The following FHIT variants were observed in gnomAD, a reference collection of about 807,000 sequenced individuals.
FHIT encodes the protein bis(5'-adenosyl)-triphosphatase.
Under a neutral mutation model 17.9 loss-of-function variants are expected in FHIT, and 19 were observed. The observed-to-expected ratio is 1.06, with a 90% CI of 0.74 to 1.56. The LOEUF is 1.56. FHIT is among the 40% of genes most tolerant of loss of function. FHIT has a pLI of 0.00. For missense variants in FHIT, 248 were observed against 189.2 expected, an observed-to-expected ratio of 1.31 and a Z score of -1.82; for synonymous variants, 81 against 69.7, an observed-to-expected ratio of 1.16 and a Z score of -0.81.
chr3:60,377,637 G>T (rs1027410445), intron 5 of FHIT, among the ~76,000 whole-genome samples: 1 of 146,656 alleles, frequency 6.8e-6, no homozygotes, highest in Admixed American at 6.8e-5. Context: ...GCCCGCCACC[G>T]CGCCCGGCTA....
At chr3:60,887,403 G>T (rs1705274064) in intron 3 of FHIT, among the ~76,000 whole-genome samples, 1 of 152,138 alleles carries the variant, frequency 6.6e-6, no homozygotes, top group South Asian at 2.1e-4. Context: ...CCAGCACTTT[G>T]GGAGGCCAAG....
At chr3:60,719,417 G>C (rs1716744) in intron 4 of FHIT, among the ~76,000 whole-genome samples, 147,641 of 152,270 alleles carry the variant, frequency 0.97, 71,634 homozygotes, top group East Asian at 1. Context: ...ACAGGTAAAT[G>C]CAAATTTCTT....
intron 7 of FHIT, among the ~76,000 whole-genome samples, chr3:59,939,828 T>C (rs1317095431): frequency 1.3e-5 from 2 of 152,262 alleles, no homozygotes; most frequent in South Asian, 2.1e-4. Context: ...AAAAAGTCTA[T>C]AGAGGTAGGG....
At chr3:60,975,634 C>G (rs191209657) in intron 3 of FHIT, among the ~76,000 whole-genome samples, 2 of 152,224 alleles carry the variant, frequency 1.3e-5, no homozygotes, top group Admixed American at 1.3e-4. Context: ...TTGACCATGT[C>G]AAAATTCATC....
chr3:61,122,521 A>G (rs1330820684), intron 2 of FHIT, among the ~76,000 whole-genome samples: 2 of 152,228 alleles, frequency 1.3e-5, no homozygotes, highest in Non-Finnish European at 2.9e-5. Flanking sequence ...CAATTAAACT[A>G]AAGAGCTTCT....
chr3:61,250,275 G>A (rs2040587965), intron 1 of FHIT, among the ~76,000 whole-genome samples: 1 of 152,244 alleles, frequency 6.6e-6, no homozygotes, highest in Non-Finnish European at 1.5e-5. Context: ...AAGCCAAGGA[G>A]GGAGAGTTCA....
At chr3:60,634,708 GAGA>G (rs569781098) in intron 4 of FHIT, among the ~76,000 whole-genome samples, 9 of 152,292 alleles carry the variant, frequency 5.9e-5, no homozygotes, top group Admixed American at 2.6e-4. Flanking sequence ...TGAGAAAGAG[GAGA>G]AGAAGTTTGG....
chr3:60,779,377 G>A (rs190166020), intron 4 of FHIT, among the ~76,000 whole-genome samples: 1 of 152,296 alleles, frequency 6.6e-6, no homozygotes, highest in South Asian at 2.1e-4. Flanking sequence ...GAACAGGAGG[G>A]ATGGGTAATG....
intron 7 of FHIT, among the ~76,000 whole-genome samples, chr3:59,979,533 G>A (rs1025492018): frequency 2.0e-5 from 3 of 152,036 alleles, no homozygotes; most frequent in South Asian, 2.1e-4. Flanking sequence ...GAATCCCTTG[G>A]GGACATTTTT....
At position 59,968,571 on chromosome 3, in the gene FHIT, C is replaced by T. The variant is rs143049966; in HGVS notation, c.279+42800G>A. Among the ~76,000 whole-genome samples, 32 of 152,196 alleles carry T rather than the reference C, an allele frequency of 2.1e-4. 1 individual carries two copies. In the East Asian group the frequency reaches 6.2e-3, roughly 29 times the overall value. On this transcript the variant is annotated intron_variant, in intron 7 of 9. Transcript: ENST00000492590. ...TTCCAAAAATCAGATACCAGCAGTT[C>T]TCACAATGCCTCTAGTGGTAATTCT...
chr3:60,574,092 G>A (rs555911560), intron 4 of FHIT, among the ~76,000 whole-genome samples: 1 of 152,232 alleles, frequency 6.6e-6, no homozygotes, highest in South Asian at 2.1e-4. Flanking sequence ...TTACAGACGG[G>A]AGCCACCACG....
At chr3:60,849,958 G>A (rs1228243184) in intron 3 of FHIT, among the ~76,000 whole-genome samples, 8 of 152,036 alleles carry the variant, frequency 5.3e-5, no homozygotes, top group Admixed American at 1.3e-4. Context: ...CTCAGGTCAG[G>A]CTAACTATTT....
intron 4 of FHIT, among the ~76,000 whole-genome samples, chr3:60,738,130 G>T (rs1553713052): frequency 6.6e-6 from 1 of 152,146 alleles, no homozygotes. Flanking sequence ...AAAGGGAGGA[G>T]GAGAACATGT....
At chr3:60,176,012 C>T (rs564970665) in intron 5 of FHIT, among the ~76,000 whole-genome samples, 2 of 152,106 alleles carry the variant, frequency 1.3e-5, no homozygotes, top group East Asian at 1.9e-4. Flanking sequence ...AGCTGAAAGA[C>T]GAGTTTTAAA....
chr3:60,046,457 C>A (rs1048621675), intron 5 of FHIT, among the ~76,000 whole-genome samples: 1 of 152,212 alleles, frequency 6.6e-6, no homozygotes, highest in East Asian at 1.9e-4. Context: ...GCTCGGCCAG[C>A]TGACAGCAGA....
At chr3:60,623,643 G>C (rs2039197805) in intron 4 of FHIT, among the ~76,000 whole-genome samples, 1 of 152,148 alleles carries the variant, frequency 6.6e-6, no homozygotes, top group African/African-American at 2.4e-5. Flanking sequence ...TGATACATAG[G>C]CTCAGTTAAA....
intron 3 of FHIT, among the ~76,000 whole-genome samples, chr3:60,860,294 A>ACATACATCATAT (rs1703631773): frequency 6.8e-6 from 1 of 147,704 alleles, no homozygotes; most frequent in Non-Finnish European, 1.5e-5. Flanking sequence ...TGTATACATG[A>ACATACATCATAT]GATACATCAT....
chr3:60,605,528 C>T (rs2107721144), intron 4 of FHIT, among the ~76,000 whole-genome samples: 1 of 152,284 alleles, frequency 6.6e-6, no homozygotes, highest in South Asian at 2.1e-4. Context: ...AGACCTCTAC[C>T]ATTTATTTAT....
chr3:60,547,168 A>G (rs1335662286), intron 4 of FHIT, among the ~76,000 whole-genome samples: 1 of 152,204 alleles, frequency 6.6e-6, no homozygotes, highest in Non-Finnish European at 1.5e-5. Flanking sequence ...GATAAGTAAA[A>G]TTGCTGAATC....
Sources: gnomAD v4.1 joint callset for allele counts (sites outside exome capture counted in the v4.1 genomes callset) on GRCh38, gnomAD v4.1.1 for gene constraint, MANE v1.5 for transcripts, NCBI Gene and HGNC (gene_info 2026-07-23, HGNC 2026-07-21) for gene names.